TMPRSS11D: variants seen among roughly 807,000 people sequenced by gnomAD.
TMPRSS11D encodes transmembrane protease serine 11D.
A neutral mutation model predicts 44.4 loss-of-function variants in TMPRSS11D; 32 were observed. The ratio of observed to expected loss-of-function variants is 0.72; its 90% CI spans 0.54 to 0.97. The LOEUF (loss-of-function observed/expected upper bound fraction) is 0.97. TMPRSS11D is among the 50% of genes least tolerant of loss of function. TMPRSS11D has a pLI of 0.00. For synonymous variants in TMPRSS11D, 179 were observed against 177.9 expected (o/e 1.01, Z -0.05); for missense variants, 446 against 502.6 (o/e 0.89, Z 1.08).
chr4:67,829,770 A>T (rs977827754), intron 7 of TMPRSS11D, among the ~76,000 whole-genome samples: 2 of 152,072 alleles, frequency 1.3e-5, no homozygotes, highest in African/African-American at 4.8e-5. Flanking sequence ...ATGAAAAGAT[A>T]CTCAAACTAG....
chr4:67,822,462 G>A lies in TMPRSS11D; in HGVS notation c.1132C>T (p.Arg378Trp), dbSNP rs751372363. ...ATCCCCACAATAAACCAAAGCCGCC[G>A]TGAGTCTTCTTGTACTAGTGGGCCA... is the stretch of plus-strand genomic sequence containing the variant. ...SGGPLVQEDS[R>W]RLWFIVGIVS... Residue 378 changes from arginine (R) to tryptophan (W), a missense_variant, in exon 10 of 10, where the codon CGG becomes TGG. Arg to Trp is a moderately radical substitution (Grantham distance 101). Coordinates refer to ENST00000283916, the MANE Select transcript of TMPRSS11D (RefSeq NM_004262.3). 3.9e-5 allele frequency: 63 copies of A among 1,613,744 alleles called. No homozygotes were observed. Among genetic ancestry groups the A allele is most frequent in the African/African-American group, 5.3e-5 (4 of 74,886 alleles).
chr4:67,865,226 T>C (rs1434688950), intron 1 of TMPRSS11D, among the ~76,000 whole-genome samples: 1 of 151,204 alleles, frequency 6.6e-6, no homozygotes, highest in Non-Finnish European at 1.5e-5. Flanking sequence ...CTTAAAACTA[T>C]ATAAAAACAT....
intron 2 of TMPRSS11D, among the ~76,000 whole-genome samples, chr4:67,856,835 C>T (rs1232432198): frequency 9.9e-5 from 15 of 152,006 alleles, no homozygotes; most frequent in South Asian, 2.1e-4. Flanking sequence ...CATGAGCGAA[C>T]AGTTCTCAAA....
Position 67,879,858 on chromosome 4 carries a change from C to T in TMPRSS11D, c.8+4068G>A, listed in dbSNP as rs547206782. 5.7e-4 allele frequency among the ~76,000 whole-genome samples: 87 copies of T among 152,120 alleles called. 1 individual carries two copies. The highest frequency in any genetic ancestry group is 1.6e-3 in the African/African-American group (67 of 41,484). On this transcript the variant is annotated intron_variant, in intron 1 of 9. Coordinates refer to ENST00000283916, the MANE Select transcript of TMPRSS11D (RefSeq NM_004262.3). Reference sequence around the variant, plus strand: ...TCTTGCATGTTTGTACCATTGGACCCGTGTAAGACTATTCAGTGCTACATT... The same window carrying T: ...TCTTGCATGTTTGTACCATTGGACCTGTGTAAGACTATTCAGTGCTACATT...
chr4:67,865,554 A>C (rs1458432805), intron 1 of TMPRSS11D, among the ~76,000 whole-genome samples: 1 of 149,842 alleles, frequency 6.7e-6, no homozygotes, highest in African/African-American at 2.5e-5. Context: ...TTACTTGAAA[A>C]GATAAAGAAA....
intron 7 of TMPRSS11D, among the ~76,000 whole-genome samples, chr4:67,828,429 G>A (rs1268473165): frequency 6.6e-6 from 1 of 152,046 alleles, no homozygotes; most frequent in Admixed American, 6.6e-5. Flanking sequence ...GGTGAAGCCC[G>A]CAGCAACAGA....
rs1445496126 is a variant in TMPRSS11D, at chr4:67,825,715, G to C, written c.1095+17C>G. 1 of 1,611,512 alleles carries C rather than the reference G, an allele frequency of 6.2e-7. No individual in the cohort carries two copies. On this transcript the variant is annotated intron_variant, in intron 9 of 9. Transcript: ENST00000283916. ...ACTTCTTGGATGATGACATGGATGA[G>C]ATTGTCTTGAGCTTACCTGACATGC... is the stretch of plus-strand genomic sequence containing the variant.
At chr4:67,822,642 A>G in intron 9 of TMPRSS11D, 144 bp from the exon 10 acceptor site, 1 of 884,596 alleles carries the variant, frequency 1.1e-6, no homozygotes, top group Non-Finnish European at 1.7e-6. Flanking sequence ...TATTATACCA[A>G]GTCATGGAAA....
intron 1 of TMPRSS11D, among the ~76,000 whole-genome samples, chr4:67,882,446 C>T (rs1349372401): frequency 6.6e-6 from 1 of 152,122 alleles, no homozygotes; most frequent in East Asian, 1.9e-4. Flanking sequence ...GCAAGGTTGG[C>T]TCTGATTGAG....
At chr4:67,869,620 A>G (rs963707866) in intron 1 of TMPRSS11D, among the ~76,000 whole-genome samples, 2 of 152,236 alleles carry the variant, frequency 1.3e-5, no homozygotes, top group Non-Finnish European at 2.9e-5. Flanking sequence ...TGTGGCTTAC[A>G]AATAGAAAAG....
At chr4:67,825,661 C>A in intron 9 of TMPRSS11D, 71 bp downstream of exon 9, 1 of 1,525,894 alleles carries the variant, frequency 6.6e-7, no homozygotes. Flanking sequence ...ATGTCTATCA[C>A]ATTATCACAT....
chr4:67,832,272 CA>C (rs1230392223), intron 7 of TMPRSS11D, among the ~76,000 whole-genome samples: 5 of 151,956 alleles, frequency 3.3e-5, no homozygotes, highest in Admixed American at 1.3e-4. Context: ...TTGATATGGT[CA>C]GGGGCACACG....
chr4:67,863,328 CAAAAAAAAAA>C (rs561420216), intron 1 of TMPRSS11D, among the ~76,000 whole-genome samples: 1 of 89,198 alleles, frequency 1.1e-5, no homozygotes, highest in African/African-American at 3.3e-5. Flanking sequence ...TGGTCTTGCT[CAAAAAAAAAA>C]AAAAAAAAGA....
chr4:67,827,632 CTCT>C (rs1717836610), intron 7 of TMPRSS11D, 112 bp from the exon 8 acceptor site: 14 of 1,186,616 alleles, frequency 1.2e-5, no homozygotes, highest in Non-Finnish European at 1.6e-5. Flanking sequence ...GGATCCACAT[CTCT>C]TTGCTATATT....
rs1353532968 is a variant in TMPRSS11D at position 67,822,213 on chromosome 4, AT to A, written c.*123del. On this transcript the variant is annotated 3_prime_UTR_variant, in exon 10 of 10. Coordinates refer to ENST00000283916, the MANE Select transcript of TMPRSS11D (RefSeq NM_004262.3). ...GGTTAAACAGTGTTTGTTAAACCATATTTATGTAACAAGATGTTAAATTAGG... is the reference window on the plus strand; with the variant it reads ...GGTTAAACAGTGTTTGTTAAACCATATTATGTAACAAGATGTTAAATTAGG... 3 of 1,111,406 alleles carry A rather than the reference AT, an allele frequency of 2.7e-6. No individual in the cohort carries two copies. Among genetic ancestry groups the A allele is most frequent in the Non-Finnish European group, 3.9e-6 (3 of 771,670 alleles). The allele number at this position is 1,111,406 out of a possible 1,614,324, so 68.8% of individuals were successfully genotyped here. A position where few individuals can be genotyped will look rare whatever the true frequency, so the allele number is the denominator to read the frequency against.
In TMPRSS11D at chr4:67,835,641, G is replaced by A. The variant is rs376784612; in HGVS notation, c.476-520C>T. On this transcript the variant is annotated intron_variant, in intron 5 of 9. Coordinates refer to ENST00000283916, the MANE Select transcript of TMPRSS11D (RefSeq NM_004262.3). ...TAATCAAGCAATCATTCAAATAAAT[G>A]TAAGTGCAAAGTAGAGAAAAGAAAA... 7.4e-4 allele frequency among the ~76,000 whole-genome samples: 112 copies of A among 152,226 alleles called. No individual in the cohort carries two copies. In the South Asian group the frequency reaches 0.015, roughly 21 times the overall value.
At chr4:67,834,969 GAACAAAGACATCAACTTGATAGA>G in intron 6 of TMPRSS11D, 91 bp downstream of exon 6, 1 of 930,506 alleles carries the variant, frequency 1.1e-6, no homozygotes, top group East Asian at 2.6e-5. Context: ...AGCGAACTAA[GAACAAAGACATCAACTTGATAGA>G]TACTGCCTTG....
At chr4:67,879,603 C>T (rs1328479263) in intron 1 of TMPRSS11D, among the ~76,000 whole-genome samples, 5 of 151,788 alleles carry the variant, frequency 3.3e-5, no homozygotes, top group African/African-American at 1.2e-4. Context: ...GTTTTGGAAG[C>T]TTTGTGAAGA....
intron 3 of TMPRSS11D, among the ~76,000 whole-genome samples, chr4:67,843,104 CTTTTTTTTT>C (rs35756612): frequency 6.4e-5 from 7 of 109,424 alleles, no homozygotes; most frequent in Admixed American, 1.9e-4. Flanking sequence ...AAAGGGCAGT[CTTTTTTTTT>C]TTTTTTTTTT....
Sources: gnomAD v4.1 joint callset for allele counts (sites outside exome capture counted in the v4.1 genomes callset) on GRCh38, gnomAD v4.1.1 for gene constraint, MANE v1.5 for transcripts, NCBI Gene and HGNC (gene_info 2026-07-23, HGNC 2026-07-21) for gene names.